GPC5: variants seen among roughly 807,000 people sequenced by gnomAD.
The protein encoded by GPC5 is glypican-5.
A neutral mutation model predicts 53.9 loss-of-function variants in GPC5; 47 were observed. The observed-to-expected ratio is 0.87, with a 90% CI of 0.69 to 1.11. The LOEUF (loss-of-function observed/expected upper bound fraction) is 1.11, where lower values mean the gene tolerates loss of function less well. Ranked by LOEUF, GPC5 falls within the 50% of genes most tolerant of loss-of-function variation. The pLI is 0.00. For synonymous variants in GPC5, 286 were observed against 263.3 expected (o/e 1.09, Z -0.84); for missense variants, 748 against 713.1 (o/e 1.05, Z -0.56).
At chr13:91,717,536 T>C (rs1460084102) in intron 3 of GPC5, among the ~76,000 whole-genome samples, 2 of 151,964 alleles carry the variant, frequency 1.3e-5, no homozygotes, top group African/African-American at 4.8e-5. Context: ...AGATACCTGA[T>C]GAAAGCAGAA....
chr13:92,657,099 A>C (rs1383038173), intron 7 of GPC5, among the ~76,000 whole-genome samples: 1 of 152,252 alleles, frequency 6.6e-6, no homozygotes, highest in Non-Finnish European at 1.5e-5. Context: ...AATTAACATG[A>C]ATAGTCTTTG....
chr13:92,460,628 C>A (rs981430799), intron 7 of GPC5, among the ~76,000 whole-genome samples: 1 of 152,106 alleles, frequency 6.6e-6, no homozygotes, highest in South Asian at 2.1e-4. Flanking sequence ...TTGTGTGACT[C>A]ACTCTACAAA....
intron 7 of GPC5, among the ~76,000 whole-genome samples, chr13:92,698,597 G>A (rs1005843661): frequency 6.6e-6 from 1 of 152,120 alleles, no homozygotes; most frequent in African/African-American, 2.4e-5. Flanking sequence ...CCAAGTCTTT[G>A]CTATTGTGAA....
intron 6 of GPC5, among the ~76,000 whole-genome samples, chr13:91,983,582 T>A (rs2040380347): frequency 6.6e-6 from 1 of 152,160 alleles, no homozygotes. Context: ...TCTACCCCAC[T>A]ATTCCTTGGA....
intron 7 of GPC5, among the ~76,000 whole-genome samples, chr13:92,188,953 A>G (rs1041363171): frequency 6.6e-6 from 1 of 152,206 alleles, no homozygotes; most frequent in African/African-American, 2.4e-5. Flanking sequence ...ACAGGCAGGT[A>G]CAAAACATCA....
chr13:92,225,866 G>T (rs574729669), intron 7 of GPC5, among the ~76,000 whole-genome samples: 2 of 151,950 alleles, frequency 1.3e-5, no homozygotes, highest in South Asian at 4.2e-4. Flanking sequence ...TTAGCTGAAC[G>T]TCAAGATCCT....
At chr13:92,391,877 C>A (rs1262833418) in intron 7 of GPC5, among the ~76,000 whole-genome samples, 1 of 152,148 alleles carries the variant, frequency 6.6e-6, no homozygotes, top group Non-Finnish European at 1.5e-5. Context: ...TTTCTCACAG[C>A]AAAGCCACAT....
In GPC5 at chr13:92,279,159, G is replaced by A. The variant is rs186292642; in HGVS notation, c.1561+134170G>A. Among the ~76,000 whole-genome samples the A allele has an allele frequency of 8.7e-4, 132 of 152,012 alleles. No individual in the cohort carries two copies. In the East Asian group the frequency reaches 0.011, roughly 13 times the overall value. Reference sequence around the variant, plus strand: ...ATAAGTATTTTGATTACCAATACAGGCTATATTTCCATTTATTTGGGCCTT... The same window carrying A: ...ATAAGTATTTTGATTACCAATACAGACTATATTTCCATTTATTTGGGCCTT... On this transcript the variant is annotated intron_variant, in intron 7 of 7. Coordinates refer to ENST00000377067, the MANE Select transcript of GPC5 (RefSeq NM_004466.6).
intron 5 of GPC5, among the ~76,000 whole-genome samples, chr13:91,842,021 A>C (rs1267532033): frequency 6.6e-6 from 1 of 152,192 alleles, no homozygotes; most frequent in Non-Finnish European, 1.5e-5. Context: ...CCATATCTGC[A>C]TAGACACGGC....
chr13:92,288,900 A>G (rs1318813553), intron 7 of GPC5, among the ~76,000 whole-genome samples: 5 of 152,172 alleles, frequency 3.3e-5, no homozygotes, highest in African/African-American at 1.2e-4. Flanking sequence ...TCAAGAGGTT[A>G]TTTAGAGGAA....
At chr13:91,813,673 G>T (rs1253350962) in intron 5 of GPC5, among the ~76,000 whole-genome samples, 1 of 152,022 alleles carries the variant, frequency 6.6e-6, no homozygotes, top group East Asian at 1.9e-4. Context: ...ATTTAGAAAA[G>T]GTGCCAGGCA....
intron 2 of GPC5, among the ~76,000 whole-genome samples, chr13:91,501,388 C>T (rs1401741973): frequency 6.6e-6 from 1 of 152,160 alleles, no homozygotes; most frequent in African/African-American, 2.4e-5. Flanking sequence ...AATGCTATCC[C>T]TACCCCCTCT....
chr13:92,580,198 A>G lies in GPC5; in HGVS notation c.1562-286084A>G, dbSNP rs1313277867. Among the ~76,000 whole-genome samples, 5 of 152,370 alleles carry G rather than the reference A, an allele frequency of 3.3e-5. 1 individual carries two copies. In the Middle Eastern group the frequency reaches 0.01, roughly 311 times the overall value. On this transcript the variant is annotated intron_variant, in intron 7 of 7. Transcript: ENST00000377067. Reference sequence around the variant, plus strand: ...AGGTGACAACTAAACATTAAAGCATAAAGATATCTCAAGAATCGAATGACC... The same window carrying G: ...AGGTGACAACTAAACATTAAAGCATGAAGATATCTCAAGAATCGAATGACC...
At chr13:92,649,796 A>G (rs1490125181) in intron 7 of GPC5, among the ~76,000 whole-genome samples, 2 of 152,118 alleles carry the variant, frequency 1.3e-5, no homozygotes, top group Non-Finnish European at 2.9e-5. Context: ...TCCCTATCAG[A>G]AAATAGTTTA....
chr13:92,094,520 CAAAAAAAAA>C (rs71200562), intron 6 of GPC5, among the ~76,000 whole-genome samples: 1 of 68,224 alleles, frequency 1.5e-5, no homozygotes, highest in Non-Finnish European at 2.6e-5. Flanking sequence ...GACTCCGTCT[CAAAAAAAAA>C]AAAAAAAAAA....
Position 91,959,487 on chromosome 13 carries a change from TCTC to T in GPC5, c.1401+51434_1401+51436del, listed in dbSNP as rs552478572. Among the ~76,000 whole-genome samples the T allele has an allele frequency of 2.6e-4, 40 of 151,982 alleles. 1 individual carries two copies. Among genetic ancestry groups the T allele is most frequent in the Admixed American group, 2.2e-3 (33 of 15,252 alleles). Reference sequence around the variant, plus strand: ...CTATCAAAGAAGAACTAATACTAGTTCTCCTCAAACTGTTCCAAAAACATGAGG... The same window carrying T: ...CTATCAAAGAAGAACTAATACTAGTTCTCAAACTGTTCCAAAAACATGAGG... On this transcript the variant is annotated intron_variant, in intron 6 of 7. Coordinates refer to ENST00000377067, the MANE Select transcript of GPC5 (RefSeq NM_004466.6).
intron 7 of GPC5, among the ~76,000 whole-genome samples, chr13:92,387,566 G>A (rs1023044027): frequency 6.6e-6 from 1 of 152,066 alleles, no homozygotes; most frequent in African/African-American, 2.4e-5. Context: ...TGCGTCAAAA[G>A]AGCTGGTTCT....
chr13:91,435,266 G>A (rs2139041349), intron 1 of GPC5, among the ~76,000 whole-genome samples: 1 of 152,296 alleles, frequency 6.6e-6, no homozygotes, highest in South Asian at 2.1e-4. Flanking sequence ...TCTTGTGCCA[G>A]TTTTCAAAGG....
chr13:91,987,896 T>G (rs1477109705), intron 6 of GPC5, among the ~76,000 whole-genome samples: 2 of 145,716 alleles, frequency 1.4e-5, no homozygotes, highest in African/African-American at 5.0e-5. Context: ...CATATTTACT[T>G]ATATATAATC....
Sources: allele counts gnomAD v4.1 joint callset (sites outside exome capture counted in the v4.1 genomes callset), GRCh38; gene constraint gnomAD v4.1.1; transcripts MANE v1.5; gene names NCBI Gene and HGNC (gene_info 2026-07-23, HGNC 2026-07-21).